The following KDM1A variants were observed in gnomAD, a reference collection of about 807,000 sequenced individuals.
KDM1A encodes lysine-specific histone demethylase 1A.
A neutral mutation model predicts 109.4 loss-of-function variants in KDM1A; 49 were observed. The observed-to-expected ratio is 0.45, with a 90% confidence interval of 0.36 to 0.57. KDM1A has a LOEUF of 0.57. Among genes scored for constraint, KDM1A ranks in the 20% least tolerant of loss-of-function variants. The pLI is 0.00. For missense variants in KDM1A, 668 were observed against 1,116.6 expected (o/e 0.60, Z 5.73); for synonymous variants, 380 against 415.4 (o/e 0.91, Z 1.04).
chr1:23,078,095 T>C (rs954558625), intron 16 of KDM1A, among the ~76,000 whole-genome samples: 4 of 152,210 alleles, frequency 2.6e-5, no homozygotes, highest in Admixed American at 2.0e-4. Flanking sequence ...AATGGAGACA[T>C]AGCCATCAAT....
intron 1 of KDM1A, chr1:23,020,189 T>G: frequency 5.0e-6 from 2 of 401,010 alleles, no homozygotes; most frequent in East Asian, 3.8e-5. Flanking sequence ...GCATCGATGA[T>G]TGCTGGGAGG....
intron 6 of KDM1A, chr1:23,055,437 G>T: frequency 4.8e-6 from 1 of 206,272 alleles, no homozygotes; most frequent in Non-Finnish European, 9.5e-6. Context: ...GAATAAAACA[G>T]TACAATTTGT....
At chr1:23,046,015 G>T (rs1248252943) in intron 3 of KDM1A, among the ~76,000 whole-genome samples, 1 of 152,172 alleles carries the variant, frequency 6.6e-6, no homozygotes, top group Non-Finnish European at 1.5e-5. Flanking sequence ...CCTCAAGTTG[G>T]TGTACACATC....
At chr1:23,060,272 G>A (rs1642961840) in intron 9 of KDM1A, among the ~76,000 whole-genome samples, 1 of 152,220 alleles carries the variant, frequency 6.6e-6, no homozygotes, top group African/African-American at 2.4e-5. Flanking sequence ...AGTGGTGCTT[G>A]TAGAGAAATA....
At chr1:23,030,388 C>T (rs991200319) in intron 1 of KDM1A, 81 bp from the exon 2 acceptor site, 35 of 1,085,444 alleles carry the variant, frequency 3.2e-5, no homozygotes, top group Non-Finnish European at 4.3e-5. Flanking sequence ...TAACAATTTA[C>T]ATTGACTGAT....
intron 9 of KDM1A, among the ~76,000 whole-genome samples, chr1:23,063,701 TATTA>T (rs2124494254): frequency 6.6e-6 from 1 of 152,346 alleles, no homozygotes; most frequent in Admixed American, 6.5e-5. Context: ...TTCCAAACTA[TATTA>T]ATTTATTCAT....
At chr1:23,081,955 T>C (rs1643631008) in intron 19 of KDM1A, 1 of 442,816 alleles carries the variant, frequency 2.3e-6, no homozygotes, top group Middle Eastern at 6.0e-4. Flanking sequence ...ATATTGTGAA[T>C]TTATAAAAGA....
intron 19 of KDM1A, 48 bp from the exon 20 acceptor site, chr1:23,082,172 T>C: frequency 1.3e-6 from 2 of 1,596,420 alleles, no homozygotes; most frequent in South Asian, 1.1e-5. Context: ...AAGGATTGAT[T>C]TGTGCTTGGT....
intron 2 of KDM1A, among the ~76,000 whole-genome samples, chr1:23,034,179 T>C (rs952422540): frequency 2.0e-5 from 3 of 152,178 alleles, no homozygotes; most frequent in African/African-American, 7.2e-5. Flanking sequence ...ACTGTTTATA[T>C]TTAAAAACTA....
chr1:23,029,740 A>G (rs919069176), intron 1 of KDM1A, among the ~76,000 whole-genome samples: 4 of 152,234 alleles, frequency 2.6e-5, no homozygotes, highest in African/African-American at 9.6e-5. Context: ...CCCAGGTTCA[A>G]GCGATTCTCC....
chr1:23,045,135 C>A (rs1422818532), intron 3 of KDM1A, among the ~76,000 whole-genome samples: 1 of 152,140 alleles, frequency 6.6e-6, no homozygotes, highest in Non-Finnish European at 1.5e-5. Flanking sequence ...CCATCTGGAA[C>A]AGTTAAAATT....
intron 8 of KDM1A, 73 bp downstream of exon 8, chr1:23,057,638 C>T (rs1353798297): frequency 8.9e-7 from 1 of 1,123,960 alleles, no homozygotes; most frequent in African/African-American, 1.5e-5. Context: ...GCCAGAGATG[C>T]TATTTTAAAA....
Position 23,069,041 on chromosome 1 carries a change from A to G in KDM1A, c.1323-20A>G, listed in dbSNP as rs1569788571. 2.6e-6 allele frequency: 4 copies of G among 1,560,502 alleles called. No homozygotes were observed. Among genetic ancestry groups the G allele is most frequent in the Non-Finnish European group, 2.6e-6 (3 of 1,141,530 alleles). On this transcript the variant is annotated intron_variant, in intron 11 of 20. Transcript: ENST00000400181. ...GCAAAGTTGGCTTTGAGAGCAGATTATACATATTGTCTCTCTTAGGTTACA... is the reference window on the plus strand; with the variant it reads ...GCAAAGTTGGCTTTGAGAGCAGATTGTACATATTGTCTCTCTTAGGTTACA...
chr1:23,030,976 A>G (rs1641964905), intron 2 of KDM1A, among the ~76,000 whole-genome samples: 1 of 152,216 alleles, frequency 6.6e-6, no homozygotes, highest in South Asian at 2.1e-4. Context: ...AGAAAGCCAT[A>G]TCCAAAGCAC....
chr1:23,081,659 C>A, intron 19 of KDM1A, 86 bp downstream of exon 19: 1 of 1,482,948 alleles, frequency 6.7e-7, no homozygotes, highest in South Asian at 1.2e-5. Flanking sequence ...TTGGTCAGGA[C>A]AGTTTAAGCT....
chr1:23,050,948 G>A (rs919988068), intron 4 of KDM1A, among the ~76,000 whole-genome samples: 7 of 152,104 alleles, frequency 4.6e-5, no homozygotes, highest in Non-Finnish European at 1.0e-4. Flanking sequence ...ATCTGGGCAT[G>A]GTGGCAGGCA....
At chr1:23,026,514 C>T (rs554252730) in intron 1 of KDM1A, among the ~76,000 whole-genome samples, 2 of 151,680 alleles carry the variant, frequency 1.3e-5, no homozygotes, top group Non-Finnish European at 2.9e-5. Context: ...CGTAGCCCCC[C>T]CAAGTAGCTG....
chr1:23,077,504 C>A, intron 16 of KDM1A, 144 bp downstream of exon 16: 2 of 742,934 alleles, frequency 2.7e-6, no homozygotes, highest in South Asian at 2.7e-5. Flanking sequence ...ACAGTTGAGC[C>A]TATAGAGTCT....
In KDM1A at chr1:23,069,126, A is replaced by G; in HGVS notation, c.1388A>G (p.Glu463Gly). Residue 463 changes from glutamate to glycine, a missense_variant, in exon 12 of 21, where the codon GAA becomes GGA. Around this residue, in one of 8 missense-constraint regions of KDM1A, gnomAD observed 62 missense variants for 82.8 expected, o/e 0.75. Transcript: ENST00000400181. ...TGGAAGAAGATAGTGAAAACTCAGG[A>G]AGAATTGAAAGAACTTCTTAATAAG... ...EHWKKIVKTQEELKELLNKMV... is the reference protein window; with the variant it reads ...EHWKKIVKTQGELKELLNKMV... 1 of 1,604,364 alleles carries G rather than the reference A, an allele frequency of 6.2e-7. No homozygotes were observed. Among genetic ancestry groups the G allele is most frequent in the Non-Finnish European group, 8.5e-7 (1 of 1,172,496 alleles).
Sources: gnomAD v4.1 joint callset for allele counts (sites outside exome capture counted in the v4.1 genomes callset) on GRCh38, gnomAD v4.1.1 for gene constraint, gnomAD v4.1.1 regional missense constraint, MANE v1.5 for transcripts, NCBI Gene and HGNC (gene_info 2026-07-23, HGNC 2026-07-21) for gene names.